The following CAST variants were observed in gnomAD, a reference collection of about 807,000 sequenced individuals.
CAST encodes calpastatin.
Under a neutral mutation model 119.6 loss-of-function variants are expected in CAST, and 76 were observed. The ratio of observed to expected loss-of-function variants is 0.64; its 90% confidence interval spans 0.53 to 0.77. The LOEUF is 0.77. CAST is among the 30% of genes least tolerant of loss of function. The pLI is 0.00. For missense variants in CAST, 953 were observed against 946.5 expected (o/e 1.01, Z -0.09); for synonymous variants, 319 against 331.6 (o/e 0.96, Z 0.41).
chr5:96,110,494 G>T, the CAST span, among the ~76,000 whole-genome samples: 1 of 152,120 alleles, frequency 6.6e-6, no homozygotes, highest in South Asian at 2.1e-4. Flanking sequence ...TAGCTGGAGG[G>T]GTTGTCAAGG....
the CAST span, among the ~76,000 whole-genome samples, chr5:96,249,231 T>C: frequency 6.6e-6 from 1 of 152,210 alleles, no homozygotes; most frequent in Non-Finnish European, 1.5e-5. Context: ...TTTGATTTTA[T>C]AGTACCTTTA....
chr5:96,124,118 C>A, the CAST span, among the ~76,000 whole-genome samples: 1 of 152,142 alleles, frequency 6.6e-6, no homozygotes, highest in Non-Finnish European at 1.5e-5. Flanking sequence ...CTTATGTTTG[C>A]TCAGATCAAA....
chr5:96,015,510 C>A, the CAST span, among the ~76,000 whole-genome samples: 2 of 151,870 alleles, frequency 1.3e-5, no homozygotes, highest in African/African-American at 4.8e-5. Context: ...TTTTTTTAAT[C>A]ACCTATAATA....
the CAST span, among the ~76,000 whole-genome samples, chr5:96,505,366 G>T: frequency 6.6e-6 from 1 of 152,074 alleles, no homozygotes; most frequent in South Asian, 2.1e-4. Context: ...TGTAATCCCA[G>T]CTACTCAGGA....
chr5:96,050,925 A>T, the CAST span, among the ~76,000 whole-genome samples: 1 of 152,220 alleles, frequency 6.6e-6, no homozygotes, highest in Non-Finnish European at 1.5e-5. Flanking sequence ...AATTAAAAAT[A>T]AATGATTTAT....
chr5:96,622,602 G>A (rs1747634222), intron 1 of CAST, among the ~76,000 whole-genome samples: 1 of 152,128 alleles, frequency 6.6e-6, no homozygotes, highest in African/African-American at 2.4e-5. Context: ...CCACATTGAA[G>A]CACTTCTCGG....
chr5:96,517,143 C>CT, the CAST span, among the ~76,000 whole-genome samples: 306 of 146,582 alleles, frequency 2.1e-3, no homozygotes, highest in East Asian at 6.7e-3. Context: ...TTCTACACAT[C>CT]TTTTTTTTTT....
At chr5:96,485,660 T>C in the CAST span, among the ~76,000 whole-genome samples, 1 of 152,160 alleles carries the variant, frequency 6.6e-6, no homozygotes, top group African/African-American at 2.4e-5. Context: ...AGAGAAGATA[T>C]GGCAGAATCT....
chr5:96,650,226 AG>A (rs886192579), intron 1 of CAST, among the ~76,000 whole-genome samples: 1 of 152,226 alleles, frequency 6.6e-6, no homozygotes, highest in African/African-American at 2.4e-5. Flanking sequence ...TAGAAGTACG[AG>A]GGATGAGGGT....
At chr5:96,113,979 A>G in the CAST span, among the ~76,000 whole-genome samples, 4 of 152,334 alleles carry the variant, frequency 2.6e-5, no homozygotes, top group Middle Eastern at 3.4e-3. Context: ...TCTATTTTTT[A>G]TACTACTAGC....
At chr5:96,252,981 T>TG in the CAST span, among the ~76,000 whole-genome samples, 1 of 152,088 alleles carries the variant, frequency 6.6e-6, no homozygotes, top group Non-Finnish European at 1.5e-5. Flanking sequence ...TATTAAGAAG[T>TG]GTGTATTTCA....
chr5:96,645,615 T>C (rs2150204080), intron 1 of CAST, among the ~76,000 whole-genome samples: 1 of 152,242 alleles, frequency 6.6e-6, no homozygotes. Flanking sequence ...ATAAATATTT[T>C]AAATTATAAG....
the CAST span, among the ~76,000 whole-genome samples, chr5:96,334,285 C>A: frequency 6.6e-6 from 1 of 152,152 alleles, no homozygotes; most frequent in African/African-American, 2.4e-5. Flanking sequence ...CTAGGAGAGA[C>A]CTCTTTTCTC....
the CAST span, among the ~76,000 whole-genome samples, chr5:96,448,494 A>G: frequency 6.6e-6 from 1 of 152,212 alleles, no homozygotes; most frequent in South Asian, 2.1e-4. Context: ...CTGCAATGGA[A>G]ACAGTTTCCG....
At chr5:96,380,347 A>AATAT in the CAST span, among the ~76,000 whole-genome samples, 3 of 152,218 alleles carry the variant, frequency 2.0e-5, no homozygotes, top group African/African-American at 7.2e-5. Context: ...TAGACCCTTG[A>AATAT]ATATATGCCT....
the CAST span, among the ~76,000 whole-genome samples, chr5:96,343,637 T>C: frequency 6.6e-6 from 1 of 152,192 alleles, no homozygotes; most frequent in South Asian, 2.1e-4. Context: ...GCATTGCAAC[T>C]GAAAGCAGAA....
chr5:96,492,109 T>C, the CAST span, among the ~76,000 whole-genome samples: 1 of 152,248 alleles, frequency 6.6e-6, no homozygotes, highest in African/African-American at 2.4e-5. Context: ...CTATACATTT[T>C]ATTTGTGTAT....
chr5:96,247,051 T>C, the CAST span, among the ~76,000 whole-genome samples: 11 of 152,224 alleles, frequency 7.2e-5, no homozygotes, highest in Non-Finnish European at 1.5e-4. Context: ...AGTATATAGA[T>C]CATTTATTTC....
the CAST span, among the ~76,000 whole-genome samples, chr5:96,345,262 T>A: frequency 2.0e-5 from 3 of 151,730 alleles, no homozygotes; most frequent in African/African-American, 7.2e-5. Flanking sequence ...AATCTACTCT[T>A]TTTTGAAGAG....
Sources: gnomAD v4.1 joint callset for allele counts (sites outside exome capture counted in the v4.1 genomes callset) on GRCh38, gnomAD v4.1.1 for gene constraint, MANE v1.5 for transcripts, NCBI Gene and HGNC (gene_info 2026-07-23, HGNC 2026-07-21) for gene names.